The following TMOD2 variants were observed in gnomAD, a reference collection of about 807,000 sequenced individuals.
TMOD2 encodes tropomodulin 2.
In TMOD2, 22 loss-of-function variants were observed where a neutral mutation model predicts 39.9. The ratio of observed to expected loss-of-function variants is 0.55; its 90% CI spans 0.39 to 0.79. The LOEUF (loss-of-function observed/expected upper bound fraction) is 0.79. Ranked by LOEUF, TMOD2 falls within the 30% of genes least tolerant of loss-of-function variation. The pLI is 0.00. For synonymous variants in TMOD2, 123 were observed against 146.1 expected (o/e 0.84, Z 1.14); for missense variants, 386 against 413.3 (o/e 0.93, Z 0.57).
At chr15:51,800,961 T>A (rs534074619) in intron 8 of TMOD2, among the ~76,000 whole-genome samples, 1 of 152,304 alleles carries the variant, frequency 6.6e-6, no homozygotes, top group East Asian at 1.9e-4. Flanking sequence ...TGCCTCAGCC[T>A]CTCAAAGTGC....
intron 1 of TMOD2, among the ~76,000 whole-genome samples, chr15:51,755,523 A>T (rs1395005816): frequency 6.6e-6 from 1 of 152,198 alleles, no homozygotes; most frequent in Non-Finnish European, 1.5e-5. Context: ...AGCCATGCCA[A>T]GCCTGGACAT....
At chr15:51,764,976 G>A (rs2055806838) in intron 1 of TMOD2, among the ~76,000 whole-genome samples, 1 of 152,070 alleles carries the variant, frequency 6.6e-6, no homozygotes, top group Non-Finnish European at 1.5e-5. Context: ...TCACTAAGCT[G>A]TGATCTTGGG....
chr15:51,802,982 A>T (rs7170091), intron 8 of TMOD2, among the ~76,000 whole-genome samples: 57,558 of 151,826 alleles, frequency 0.38, 11,083 homozygotes, highest in Middle Eastern at 0.44. Flanking sequence ...TCCATACTTA[A>T]ATTTTCCAAA....
chr15:51,792,802 G>C (rs557663194), intron 7 of TMOD2, among the ~76,000 whole-genome samples: 1 of 152,232 alleles, frequency 6.6e-6, no homozygotes, highest in East Asian at 1.9e-4. Flanking sequence ...CTCATAAGTG[G>C]GAGTTGAACA....
At chr15:51,771,484 C>T (rs1480166952) in intron 3 of TMOD2, among the ~76,000 whole-genome samples, 5 of 152,138 alleles carry the variant, frequency 3.3e-5, no homozygotes, top group Non-Finnish European at 7.4e-5. Flanking sequence ...TTGTGTACTT[C>T]GTGTTTAGTA....
chr15:51,792,071 G>T (rs1039304207), intron 7 of TMOD2, among the ~76,000 whole-genome samples: 1 of 152,148 alleles, frequency 6.6e-6, no homozygotes. Flanking sequence ...AGAGTGAACA[G>T]GCAACCTACA....
At chr15:51,773,550 ATTGAT>A (rs1405190837) in intron 3 of TMOD2, among the ~76,000 whole-genome samples, 157 bp from the exon 4 acceptor site, 4 of 152,082 alleles carry the variant, frequency 2.6e-5, no homozygotes, top group Non-Finnish European at 5.9e-5. Context: ...ACAGTGACTT[ATTGAT>A]GTTGGTACCA....
In TMOD2 at chr15:51,801,463, A is replaced by G. The variant is rs920496298; in HGVS notation, c.876+3123A>G. Reference sequence around the variant, plus strand: ...TAACCTCAGTTTCCTTATCTATCTAATGAGGGGTTTGAAATAAAATAATCT... The same window carrying G: ...TAACCTCAGTTTCCTTATCTATCTAGTGAGGGGTTTGAAATAAAATAATCT... On this transcript the variant is annotated intron_variant, in intron 8 of 9. Coordinates refer to ENST00000249700, the MANE Select transcript of TMOD2 (RefSeq NM_014548.4). Among the ~76,000 whole-genome samples the G allele has an allele frequency of 5.3e-5, 8 of 152,286 alleles. 1 individual carries two copies. The highest frequency in any genetic ancestry group is 5.2e-4 in the Admixed American group (8 of 15,294).
rs748598999 is a variant in TMOD2 at position 51,766,509 on chromosome 15, A to C, written c.68A>C (p.Lys23Thr). 2 of 1,614,116 alleles carry C rather than the reference A, an allele frequency of 1.2e-6. No homozygotes were observed. The highest frequency in any genetic ancestry group is 4.5e-5 in the East Asian group (2 of 44,872). ...KNIDEDELLG[K>T]LSEEELKQLE... ...ATTGATGAAGATGAGCTTCTTGGCAAACTCTCAGAAGAGGAACTGAAACAG... is the reference window on the plus strand; with the variant it reads ...ATTGATGAAGATGAGCTTCTTGGCACACTCTCAGAAGAGGAACTGAAACAG... The change falls in exon 2 of 10, where the codon AAA (lysine) becomes ACA (threonine). Residue 23 changes from lysine to threonine, a missense_variant. Coordinates refer to ENST00000249700, the MANE Select transcript of TMOD2 (RefSeq NM_014548.4).
chr15:51,779,782 G>A (rs1441738043), intron 5 of TMOD2, among the ~76,000 whole-genome samples: 1 of 152,032 alleles, frequency 6.6e-6, no homozygotes, highest in Non-Finnish European at 1.5e-5. Flanking sequence ...CTGGGATCAA[G>A]GGATTCTCCC....
At chr15:51,807,481 G>C (rs1444524100) in intron 9 of TMOD2, among the ~76,000 whole-genome samples, 1 of 152,178 alleles carries the variant, frequency 6.6e-6, no homozygotes, top group African/African-American at 2.4e-5. Context: ...GTGCTTACCT[G>C]GGGGGTGCAC....
intron 6 of TMOD2, 57 bp from the exon 7 acceptor site, chr15:51,782,664 T>C: frequency 1.5e-6 from 2 of 1,363,456 alleles, no homozygotes; most frequent in Non-Finnish European, 2.1e-6. Context: ...GGTTCTTACC[T>C]TGGCAAGAGT....
At chr15:51,796,094 T>TAATTTTG (rs1555462840) in intron 7 of TMOD2, among the ~76,000 whole-genome samples, 6 of 151,358 alleles carry the variant, frequency 4.0e-5, no homozygotes, top group African/African-American at 1.5e-4. Context: ...TCCCTGTTTA[T>TAATTTTG]AATGGAGAGC....
chr15:51,760,901 G>A (rs1382510932), intron 1 of TMOD2, among the ~76,000 whole-genome samples: 1 of 152,202 alleles, frequency 6.6e-6, no homozygotes, highest in African/African-American at 2.4e-5. Flanking sequence ...ATAGGAGGAG[G>A]ACGTATTTAG....
intron 1 of TMOD2, among the ~76,000 whole-genome samples, chr15:51,753,258 T>C (rs2055719549): frequency 6.6e-6 from 1 of 152,174 alleles, no homozygotes; most frequent in Non-Finnish European, 1.5e-5. Context: ...GGTTGGGGAA[T>C]AGGATTTTCA....
chr15:51,796,991 C>G (rs73409011), intron 7 of TMOD2, among the ~76,000 whole-genome samples: 5,345 of 152,310 alleles, frequency 0.035, 187 homozygotes, highest in Admixed American at 0.078. Flanking sequence ...GCTGGACAAA[C>G]AGATGATTCA....
At chr15:51,782,581 G>C in intron 6 of TMOD2, 140 bp from the exon 7 acceptor site, 2 of 672,204 alleles carry the variant, frequency 3.0e-6, no homozygotes, top group Non-Finnish European at 5.1e-6. Flanking sequence ...GGTTGCTGAA[G>C]GCTAGGTAAT....
rs556804009 is a variant in TMOD2, at chr15:51,762,731, A to G, written c.-69-3642A>G. 3.3e-5 allele frequency among the ~76,000 whole-genome samples: 5 copies of G among 152,250 alleles called. No individual in the cohort carries two copies. The East Asian group carries it at 9.6e-4, about 29-fold the overall frequency. ...CCCACCTCTCTCCCATGCCTAAGCAACTGTGATTTCTTTCTGTCATATAAA... is the reference window on the plus strand; with the variant it reads ...CCCACCTCTCTCCCATGCCTAAGCAGCTGTGATTTCTTTCTGTCATATAAA... On this transcript the variant is annotated intron_variant, in intron 1 of 9. Coordinates refer to ENST00000249700, the MANE Select transcript of TMOD2 (RefSeq NM_014548.4).
Position 51,808,934 on chromosome 15 carries a change from G to A in TMOD2, c.*480G>A, listed in dbSNP as rs1442638076. On this transcript the variant is annotated 3_prime_UTR_variant, in exon 10 of 10. Coordinates refer to ENST00000249700, the MANE Select transcript of TMOD2 (RefSeq NM_014548.4). Reference sequence around the variant, plus strand: ...TAGTATTGCCAATCTTTCACTGCATGTGAAAATGTGACCAATTTAGCACAA... The same window carrying A: ...TAGTATTGCCAATCTTTCACTGCATATGAAAATGTGACCAATTTAGCACAA... 2 of 152,880 alleles carry A rather than the reference G, an allele frequency of 1.3e-5. No individual in the cohort carries two copies. Among genetic ancestry groups the A allele is most frequent in the African/African-American group, 4.8e-5 (2 of 41,460 alleles). The allele number at this position is 152,880 out of a possible 1,614,324, so 9.5% of individuals were successfully genotyped here.
Sources: gnomAD v4.1 joint callset for allele counts (sites outside exome capture counted in the v4.1 genomes callset) on GRCh38, gnomAD v4.1.1 for gene constraint, MANE v1.5 for transcripts, NCBI Gene and HGNC (gene_info 2026-07-23, HGNC 2026-07-21) for gene names.